CNTNAP2: variants seen among roughly 807,000 people sequenced by gnomAD.
The protein encoded by CNTNAP2 is contactin-associated protein-like 2.
A neutral mutation model predicts 155.2 loss-of-function variants in CNTNAP2; 98 were observed. That is an observed-to-expected ratio of 0.63 (90% CI 0.54 to 0.75). The LOEUF is 0.75. Ranked by LOEUF, CNTNAP2 falls within the 30% of genes least tolerant of loss-of-function variation. The probability of loss-of-function intolerance (pLI) is 0.00; values close to 1 mark genes in which losing one functional copy is unlikely to be tolerated. For synonymous variants in CNTNAP2, 651 were observed against 631.2 expected, an observed-to-expected ratio of 1.03 and a Z score of -0.47; for missense variants, 1,727 against 1,688.1, an observed-to-expected ratio of 1.02 and a Z score of -0.40.
chr7:146,524,720 CTT>C (rs1215473211), intron 1 of CNTNAP2, among the ~76,000 whole-genome samples: 2 of 152,046 alleles, frequency 1.3e-5, no homozygotes, highest in Non-Finnish European at 2.9e-5. Flanking sequence ...CAATAGGACT[CTT>C]TAGGAGATAT....
intron 16 of CNTNAP2, among the ~76,000 whole-genome samples, chr7:148,123,676 G>A (rs901724236): frequency 7.1e-6 from 1 of 141,658 alleles, no homozygotes. Context: ...AGGAAGGAAG[G>A]AAGGAAGGAA....
Position 148,418,721 on chromosome 7 carries a change from C to T in CNTNAP2, c.*3105C>T, listed in dbSNP as rs1800049499. On this transcript the variant is annotated 3_prime_UTR_variant, in exon 24 of 24. Transcript: ENST00000361727. Reference sequence around the variant, plus strand: ...TTTAAAAATGTATTTCCCCTTGTGGCTTTCAACCACCTGCTCAAAAAAAGA... The same window carrying T: ...TTTAAAAATGTATTTCCCCTTGTGGTTTTCAACCACCTGCTCAAAAAAAGA... 1 of 152,164 alleles carries T rather than the reference C, an allele frequency of 6.6e-6. No individual in the cohort carries two copies. Among genetic ancestry groups the T allele is most frequent in the Admixed American group, 6.5e-5 (1 of 15,284 alleles). The allele number at this position is 152,164 out of a possible 1,614,324, so 9.4% of individuals were successfully genotyped here.
intron 15 of CNTNAP2, among the ~76,000 whole-genome samples, chr7:148,071,248 G>A (rs1803375825): frequency 1.3e-5 from 2 of 152,080 alleles, no homozygotes; most frequent in South Asian, 2.1e-4. Context: ...AGGCCGAGAC[G>A]GGCGGATTGC....
chr7:146,147,772 T>C (rs1292574905), intron 1 of CNTNAP2, among the ~76,000 whole-genome samples: 4 of 152,272 alleles, frequency 2.6e-5, no homozygotes, highest in Non-Finnish European at 5.9e-5. Context: ...ACAGTGAACA[T>C]TACAAATATT....
intron 8 of CNTNAP2, among the ~76,000 whole-genome samples, chr7:147,255,352 G>A (rs1804297578): frequency 6.6e-6 from 1 of 152,104 alleles, no homozygotes. Context: ...CTCCCAATTA[G>A]ATGGGACTAC....
chr7:148,062,028 A>AGAGTGTGT (rs1388530831), intron 15 of CNTNAP2, among the ~76,000 whole-genome samples: 1 of 105,980 alleles, frequency 9.4e-6, no homozygotes, highest in African/African-American at 3.5e-5. Flanking sequence ...AGAGAGAGAG[A>AGAGTGTGT]GTGTGTGTGT....
chr7:146,899,102 G>T (rs913009381), intron 3 of CNTNAP2, among the ~76,000 whole-genome samples: 1 of 151,982 alleles, frequency 6.6e-6, no homozygotes, highest in African/African-American at 2.4e-5. Context: ...TTGTCCAGTT[G>T]TTCTCACCCT....
chr7:147,666,278 G>A (rs765611724), intron 13 of CNTNAP2, among the ~76,000 whole-genome samples: 5 of 151,970 alleles, frequency 3.3e-5, no homozygotes, highest in Admixed American at 6.6e-5. Context: ...ACAACATTTC[G>A]GTCAACTACA....
intron 1 of CNTNAP2, among the ~76,000 whole-genome samples, chr7:146,646,595 T>C (rs1006902806): frequency 6.6e-6 from 1 of 152,162 alleles, no homozygotes; most frequent in Non-Finnish European, 1.5e-5. Context: ...CTTAAGTACA[T>C]TTCCGGAAGT....
At chr7:147,860,546 C>A (rs776848783) in intron 13 of CNTNAP2, among the ~76,000 whole-genome samples, 13 of 149,062 alleles carry the variant, frequency 8.7e-5, no homozygotes, top group Non-Finnish European at 5.9e-5. Flanking sequence ...GCCGAGATCA[C>A]ACCACTGCAC....
At chr7:147,124,707 T>G (rs1344990860) in intron 6 of CNTNAP2, among the ~76,000 whole-genome samples, 2 of 152,138 alleles carry the variant, frequency 1.3e-5, no homozygotes, top group Admixed American at 1.3e-4. Context: ...ATAATAGCTC[T>G]GCTTAGCAGT....
intron 1 of CNTNAP2, among the ~76,000 whole-genome samples, chr7:146,381,597 T>C (rs1033428964): frequency 6.6e-6 from 1 of 152,158 alleles, no homozygotes; most frequent in Non-Finnish European, 1.5e-5. Context: ...GGTACATAAA[T>C]ATAATAGTTG....
At chr7:147,033,311 T>C (rs1328078024) in intron 3 of CNTNAP2, among the ~76,000 whole-genome samples, 1 of 150,610 alleles carries the variant, frequency 6.6e-6, no homozygotes, top group Non-Finnish European at 1.5e-5. Flanking sequence ...CTAAATTTGA[T>C]TGGGGTGGGG....
At chr7:147,319,414 G>A (rs1342132344) in intron 9 of CNTNAP2, among the ~76,000 whole-genome samples, 3 of 152,206 alleles carry the variant, frequency 2.0e-5, no homozygotes, top group East Asian at 3.9e-4. Context: ...GTCTCACTCT[G>A]TTGCCCAGGC....
intron 8 of CNTNAP2, among the ~76,000 whole-genome samples, chr7:147,185,627 C>T (rs1354084541): frequency 2.0e-5 from 3 of 152,126 alleles, no homozygotes; most frequent in East Asian, 3.8e-4. Flanking sequence ...TAAGCAACAA[C>T]TTTAAAAAAC....
At chr7:146,615,664 C>T (rs917124161) in intron 1 of CNTNAP2, among the ~76,000 whole-genome samples, 1 of 152,172 alleles carries the variant, frequency 6.6e-6, no homozygotes, top group African/African-American at 2.4e-5. Context: ...AACTGAAGGG[C>T]AAATGGAAAT....
intron 16 of CNTNAP2, among the ~76,000 whole-genome samples, chr7:148,145,827 G>A (rs1394158791): frequency 2.0e-5 from 3 of 152,176 alleles, no homozygotes; most frequent in African/African-American, 7.2e-5. Context: ...CAGTCCCAAT[G>A]ACCCCTGGAG....
At chr7:147,482,387 G>A (rs1798435899) in intron 10 of CNTNAP2, among the ~76,000 whole-genome samples, 1 of 151,976 alleles carries the variant, frequency 6.6e-6, no homozygotes, top group African/African-American at 2.4e-5. Flanking sequence ...TTAAGAATTA[G>A]AATACCTATA....
intron 8 of CNTNAP2, among the ~76,000 whole-genome samples, chr7:147,274,196 G>A (rs149451517): frequency 0.019 from 2,960 of 151,994 alleles, 48 homozygotes; most frequent in Middle Eastern, 0.031. Context: ...TGGCTGGATC[G>A]AATGGTAGTT....
Sources: allele counts gnomAD v4.1 joint callset (sites outside exome capture counted in the v4.1 genomes callset), GRCh38; gene constraint gnomAD v4.1.1; transcripts MANE v1.5; gene names NCBI Gene and HGNC (gene_info 2026-07-23, HGNC 2026-07-21).